SLC22A25: variants seen among roughly 807,000 people sequenced by gnomAD.
The protein encoded by SLC22A25 is MGI:2442751, MGI:2385316, MGI:3042283, MGI:3645714, MGI:3605624, MGI:2442750.
Under a neutral mutation model 45.9 loss-of-function variants are expected in SLC22A25, and 44 were observed. The ratio of observed to expected loss-of-function variants is 0.96; its 90% CI spans 0.75 to 1.23. The LOEUF is 1.23. SLC22A25 is among the 50% of genes most tolerant of loss of function. The probability of loss-of-function intolerance (pLI) is 0.00; values close to 1 mark genes in which losing one functional copy is unlikely to be tolerated. For missense variants in SLC22A25, 800 were observed against 666.4 expected (o/e 1.20, Z -2.21); for synonymous variants, 283 against 238.6 (o/e 1.19, Z -1.72).
At chr11:63,242,114 A>G (rs1263808505) in intron 1 of SLC22A25, among the ~76,000 whole-genome samples, 1 of 152,226 alleles carries the variant, frequency 6.6e-6, no homozygotes, top group Non-Finnish European at 1.5e-5. Flanking sequence ...ATAGAATTAC[A>G]TGGGCAGAAA....
At chr11:63,232,281 C>A (rs2090083532) in intron 3 of SLC22A25, among the ~76,000 whole-genome samples, 1 of 152,114 alleles carries the variant, frequency 6.6e-6, no homozygotes. Context: ...AATGTTCTTC[C>A]ATTTGTTTGT....
intron 7 of SLC22A25, among the ~76,000 whole-genome samples, chr11:63,186,558 A>G (rs2088557176): frequency 1.3e-5 from 2 of 152,052 alleles, no homozygotes; most frequent in Admixed American, 6.5e-5. Context: ...ATTAGATTCC[A>G]TTTGTCAATT....
intron 9 of SLC22A25, among the ~76,000 whole-genome samples, chr11:63,174,373 G>C (rs1445640145): frequency 6.6e-6 from 1 of 152,108 alleles, no homozygotes; most frequent in Non-Finnish European, 1.5e-5. Flanking sequence ...TGGTCAGGCA[G>C]GCATAAATTG....
At position 63,163,837 on chromosome 11, in the gene SLC22A25, C is replaced by G. The variant is rs776976900; in HGVS notation, c.1631G>C (p.Ser544Thr). 6.2e-7 allele frequency: 1 copy of G among 1,612,852 alleles called. No homozygotes were observed. The highest frequency in any genetic ancestry group is 1.3e-5 in the African/African-American group (1 of 74,874). ...GVNSLAAPQR[S>T]SVL is the part of the protein sequence containing the mutation. ...CTCAGCACAGACCTATAGCACAGAG[C>G]TCCTCTGAGGGGCAGCTAGGCTATT... Residue 544 changes from serine (S) to threonine (T), a missense_variant, in exon 12 of 12, where the codon AGC becomes ACC. Transcript: ENST00000306494.
chr11:63,242,228 A>G (rs1223634290), intron 1 of SLC22A25, among the ~76,000 whole-genome samples: 2 of 152,228 alleles, frequency 1.3e-5, no homozygotes, highest in African/African-American at 4.8e-5. Flanking sequence ...GCAGGTGGAA[A>G]AAACCACACA....
At chr11:63,192,598 C>T (rs2088854319) in intron 7 of SLC22A25, among the ~76,000 whole-genome samples, 1 of 152,130 alleles carries the variant, frequency 6.6e-6, no homozygotes, top group Admixed American at 6.6e-5. Context: ...AGATCCATCT[C>T]ACATGCAATA....
rs1300152929 is a variant in SLC22A25, at chr11:63,195,945, C to A, written c.831-12128G>T. On this transcript the variant is annotated intron_variant, in intron 7 of 11. Transcript: ENST00000306494. ...TATCACCACGGATCCCACAGAAATA[C>A]AAACTACCATCAGATAATACTATAA... is the stretch of plus-strand genomic sequence containing the variant. Among the ~76,000 whole-genome samples, 6 of 152,178 alleles carry A rather than the reference C, an allele frequency of 3.9e-5. No homozygotes were observed. The South Asian group carries it at 1.2e-3, about 31-fold the overall frequency.
intron 7 of SLC22A25, among the ~76,000 whole-genome samples, chr11:63,214,731 A>T (rs1248080846): frequency 6.6e-6 from 1 of 150,938 alleles, no homozygotes; most frequent in African/African-American, 2.4e-5. Context: ...CCCTGCACAG[A>T]TCTCCCCCCA....
At chr11:63,226,124 C>G (rs1196573017) in intron 5 of SLC22A25, among the ~76,000 whole-genome samples, 2 of 152,248 alleles carry the variant, frequency 1.3e-5, no homozygotes, top group African/African-American at 4.8e-5. Flanking sequence ...ATATCTGTCT[C>G]TCCAATATTG....
At chr11:63,236,630 G>A (rs907890071) in intron 3 of SLC22A25, among the ~76,000 whole-genome samples, 2 of 151,952 alleles carry the variant, frequency 1.3e-5, no homozygotes, top group South Asian at 2.1e-4. Context: ...GCTCATGCAC[G>A]GTGTGCTGCA....
chr11:63,211,859 C>T (rs1403033111), intron 7 of SLC22A25, among the ~76,000 whole-genome samples: 1 of 152,036 alleles, frequency 6.6e-6, no homozygotes, highest in Non-Finnish European at 1.5e-5. Context: ...GCAAAAGAAA[C>T]TACCATCAGA....
chr11:63,180,357 T>G (rs1244758146), intron 9 of SLC22A25, among the ~76,000 whole-genome samples: 1 of 152,134 alleles, frequency 6.6e-6, no homozygotes, highest in Non-Finnish European at 1.5e-5. Flanking sequence ...ATAAATTAGC[T>G]CAATTAAAAT....
chr11:63,179,245 C>G (rs1427307524), intron 9 of SLC22A25, among the ~76,000 whole-genome samples: 5 of 152,050 alleles, frequency 3.3e-5, no homozygotes, highest in Non-Finnish European at 7.3e-5. Context: ...GCATGAGCCA[C>G]TGTGCCTGGT....
At chr11:63,164,658 C>A (rs778129417) in intron 10 of SLC22A25, 24 bp from the exon 11 acceptor site, 1 of 1,581,428 alleles carries the variant, frequency 6.3e-7, no homozygotes, top group Non-Finnish European at 8.7e-7. Flanking sequence ...GACCACAGGG[C>A]CTCAGGAAAT....
Position 63,163,825 on chromosome 11 carries a change from T to G in SLC22A25, c.1643A>C (p.Ter548SerextTer41). The change falls in exon 12 of 12, where the codon TAG becomes TCG. Residue 548 changes from the stop codon to serine (S), a stop_lost. Coordinates refer to ENST00000306494, the MANE Select transcript of SLC22A25 (RefSeq NM_199352.6). ...TGTTTTGCTTTCCTCAGCACAGACC[T>G]ATAGCACAGAGCTCCTCTGAGGGGC... ...LAAPQRSSVL[*>S] The G allele has an allele frequency of 6.2e-7, 1 of 1,612,206 alleles. No individual in the cohort carries two copies. Among genetic ancestry groups the G allele is most frequent in the Non-Finnish European group, 8.5e-7 (1 of 1,179,000 alleles).
chr11:63,215,522 G>T (rs1381352190), intron 7 of SLC22A25, among the ~76,000 whole-genome samples: 3 of 152,132 alleles, frequency 2.0e-5, no homozygotes, highest in East Asian at 3.8e-4. Flanking sequence ...AATGGCACAT[G>T]TATATCTGTG....
At chr11:63,195,388 A>T (rs924696479) in intron 7 of SLC22A25, among the ~76,000 whole-genome samples, 1 of 152,176 alleles carries the variant, frequency 6.6e-6, no homozygotes, top group African/African-American at 2.4e-5. Flanking sequence ...AAAGAACAGA[A>T]ATCACAACAA....
At chr11:63,165,657 C>T (rs1006074307) in intron 10 of SLC22A25, among the ~76,000 whole-genome samples, 19 of 152,286 alleles carry the variant, frequency 1.2e-4, no homozygotes, top group African/African-American at 4.6e-4. Flanking sequence ...TAAGAAAGAG[C>T]CCAGACAGAG....
chr11:63,242,266 A>G (rs922440394), intron 1 of SLC22A25, among the ~76,000 whole-genome samples: 2 of 152,222 alleles, frequency 1.3e-5, no homozygotes, highest in Non-Finnish European at 2.9e-5. Context: ...ACTTTAATAT[A>G]AAAGGAAGGA....
Sources: allele counts gnomAD v4.1 joint callset (sites outside exome capture counted in the v4.1 genomes callset), GRCh38; gene constraint gnomAD v4.1.1; transcripts MANE v1.5; gene names NCBI Gene and HGNC (gene_info 2026-07-23, HGNC 2026-07-21).